Variants in VAV3 observed in about 807,000 individuals in gnomAD.
VAV3 encodes vav guanine nucleotide exchange factor 3, also known as guanine nucleotide exchange factor VAV3.
A neutral mutation model predicts 131.2 loss-of-function variants in VAV3; 94 were observed. The ratio of observed to expected loss-of-function variants is 0.72; its 90% CI spans 0.61 to 0.85. The LOEUF (loss-of-function observed/expected upper bound fraction) is 0.85, where lower values mean the gene tolerates loss of function less well. Ranked by LOEUF, VAV3 falls within the 40% of genes least tolerant of loss-of-function variation. The probability of loss-of-function intolerance (pLI) is 0.00; values close to 1 mark genes in which losing one functional copy is unlikely to be tolerated. For missense variants in VAV3, 939 were observed against 1,002.7 expected (o/e 0.94, Z 0.86); for synonymous variants, 349 against 342.0 (o/e 1.02, Z -0.22).
intron 20 of VAV3, among the ~76,000 whole-genome samples, chr1:107,625,582 T>C (rs1653956139): frequency 6.6e-6 from 1 of 152,124 alleles, no homozygotes; most frequent in Non-Finnish European, 1.5e-5. Flanking sequence ...TTTAATCTGA[T>C]AGCATTTATT....
At chr1:107,801,393 T>C (rs1293140627) in intron 2 of VAV3, among the ~76,000 whole-genome samples, 1 of 152,158 alleles carries the variant, frequency 6.6e-6, no homozygotes, top group East Asian at 1.9e-4. Context: ...TATAGATTGC[T>C]TTGAGTAGCA....
intron 2 of VAV3, among the ~76,000 whole-genome samples, chr1:107,782,711 G>T (rs1020060823): frequency 6.6e-6 from 1 of 152,150 alleles, no homozygotes; most frequent in Non-Finnish European, 1.5e-5. Flanking sequence ...TCAATGCGGT[G>T]TTTTTAGAAC....
chr1:107,930,712 C>G (rs1673390945), intron 1 of VAV3, among the ~76,000 whole-genome samples: 1 of 152,028 alleles, frequency 6.6e-6, no homozygotes, highest in Non-Finnish European at 1.5e-5. Flanking sequence ...GATGAAAAGT[C>G]AATGAAAAAC....
At chr1:107,611,596 C>CAAAAAAAAAAA (rs66982121) in intron 21 of VAV3, among the ~76,000 whole-genome samples, 1 of 119,966 alleles carries the variant, frequency 8.3e-6, no homozygotes, top group Non-Finnish European at 1.8e-5. Flanking sequence ...CATAGAGAAC[C>CAAAAAAAAAAA]AAAAAAAAAA....
intron 19 of VAV3, among the ~76,000 whole-genome samples, chr1:107,660,966 A>G (rs866834378): frequency 1.2e-4 from 19 of 152,118 alleles, no homozygotes; most frequent in Admixed American, 5.2e-4. Context: ...TCAAGTTACA[A>G]GCAGCAGTGT....
chr1:107,579,291 G>C (rs994601071), intron 25 of VAV3, among the ~76,000 whole-genome samples: 1 of 152,140 alleles, frequency 6.6e-6, no homozygotes, highest in Non-Finnish European at 1.5e-5. Context: ...ATATGGTTTG[G>C]CTTCTCACCT....
At chr1:107,728,594 C>CGTATAT (rs1475395280) in intron 15 of VAV3, among the ~76,000 whole-genome samples, 15 of 69,262 alleles carry the variant, frequency 2.2e-4, no homozygotes, top group South Asian at 5.4e-4. Context: ...CATATGTATA[C>CGTATAT]GTATACGTAT....
chr1:107,654,393 T>G (rs1234950876), intron 19 of VAV3, among the ~76,000 whole-genome samples: 1 of 152,044 alleles, frequency 6.6e-6, no homozygotes, highest in Non-Finnish European at 1.5e-5. Context: ...TGGAAATATA[T>G]ATTGTCTCCT....
chr1:107,755,309 T>G, intron 12 of VAV3, 118 bp downstream of exon 12: 2 of 769,412 alleles, frequency 2.6e-6, no homozygotes, highest in Non-Finnish European at 4.3e-6. Context: ...ACAAAGGGAC[T>G]GGCAACAACC....
chr1:107,815,703 A>G (rs1328454582), intron 2 of VAV3, among the ~76,000 whole-genome samples: 2 of 152,228 alleles, frequency 1.3e-5, no homozygotes, highest in East Asian at 1.9e-4. Context: ...AGCACTATCA[A>G]TAATTACGGC....
intron 1 of VAV3, among the ~76,000 whole-genome samples, chr1:107,888,011 G>A (rs1469896682): frequency 1.3e-5 from 2 of 151,546 alleles, no homozygotes; most frequent in African/African-American, 2.4e-5. Context: ...ATTTGGGGGG[G>A]GGGTTATTTT....
At chr1:107,756,273 A>G (rs2102100747) in intron 11 of VAV3, among the ~76,000 whole-genome samples, 1 of 152,114 alleles carries the variant, frequency 6.6e-6, no homozygotes, top group African/African-American at 2.4e-5. Context: ...CTGTTTTCTG[A>G]GCTCTTTTTC....
chr1:107,862,337 C>G (rs911389339), intron 2 of VAV3, among the ~76,000 whole-genome samples: 1 of 151,396 alleles, frequency 6.6e-6, no homozygotes, highest in Admixed American at 6.6e-5. Context: ...GTTCCACCCC[C>G]ACACTACCCC....
In VAV3 at chr1:107,734,235, G is replaced by A. The variant is rs369075112; in HGVS notation, c.1502+14733C>T. On this transcript the variant is annotated intron_variant, in intron 15 of 26. Coordinates refer to ENST00000370056, the MANE Select transcript of VAV3 (RefSeq NM_006113.5). ...GCACTAAACACGGAAAGGAACAACCGGTAACAGCCACTGCAAAAACATGCC... is the reference window on the plus strand; with the variant it reads ...GCACTAAACACGGAAAGGAACAACCAGTAACAGCCACTGCAAAAACATGCC... 8.0e-4 allele frequency among the ~76,000 whole-genome samples: 122 copies of A among 152,210 alleles called. 2 individuals carry two copies. In the East Asian group the frequency reaches 0.017, roughly 21 times the overall value.
chr1:107,602,650 T>A (rs1006953029), intron 23 of VAV3, among the ~76,000 whole-genome samples, 166 bp from the exon 24 acceptor site: 1 of 152,152 alleles, frequency 6.6e-6, no homozygotes, highest in African/African-American at 2.4e-5. Flanking sequence ...ATATATTTAC[T>A]GGATTGGTTG....
chr1:107,813,298 T>C (rs1348008739), intron 2 of VAV3, among the ~76,000 whole-genome samples: 3 of 152,078 alleles, frequency 2.0e-5, no homozygotes, highest in African/African-American at 7.2e-5. Flanking sequence ...AATTTGGATA[T>C]CTGAAAGAAC....
intron 1 of VAV3, among the ~76,000 whole-genome samples, chr1:107,930,232 T>A (rs1673362095): frequency 6.6e-6 from 1 of 152,212 alleles, no homozygotes; most frequent in Non-Finnish European, 1.5e-5. Flanking sequence ...GGATACCCCA[T>A]GTACTCTGAT....
intron 25 of VAV3, among the ~76,000 whole-genome samples, chr1:107,589,921 GAA>G (rs774449332): frequency 1.1e-4 from 17 of 152,174 alleles, no homozygotes; most frequent in South Asian, 4.1e-4. Flanking sequence ...TCAGGAATAA[GAA>G]TGCTACTTTA....
chr1:107,862,589 C>G (rs1669788239), intron 2 of VAV3: 1 of 151,488 alleles, frequency 6.6e-6, no homozygotes, highest in African/African-American at 2.4e-5. Context: ...AACCAATTCT[C>G]CTTACATATT....
Sources: gnomAD v4.1 joint callset for allele counts (sites outside exome capture counted in the v4.1 genomes callset) on GRCh38, gnomAD v4.1.1 for gene constraint, MANE v1.5 for transcripts, NCBI Gene and HGNC (gene_info 2026-07-23, HGNC 2026-07-21) for gene names.